Variants in MXRA5 observed in about 807,000 individuals in gnomAD.
MXRA5 encodes matrix-remodeling-associated protein 5.
MXRA5 carries 41 observed loss-of-function variants against 112.5 expected under a neutral mutation model. The observed-to-expected ratio is 0.36, with a 90% CI of 0.28 to 0.47. The LOEUF (loss-of-function observed/expected upper bound fraction) is 0.47, where lower values mean the gene tolerates loss of function less well. Among genes scored for constraint, MXRA5 ranks in the 20% least tolerant of loss-of-function variants. MXRA5 has a pLI of 0.99. For missense variants in MXRA5, 2,150 were observed against 2,251.0 expected, an observed-to-expected ratio of 0.96 and a Z score of 0.91; for synonymous variants, 862 against 900.8, an observed-to-expected ratio of 0.96 and a Z score of 0.77.
chrX:3,336,207 C>G (rs1031992233), intron 2 of MXRA5, among the ~76,000 whole-genome samples: 1 of 111,824 alleles, frequency 8.9e-6, no homozygotes, highest in Non-Finnish European at 1.9e-5. Flanking sequence ...TCTCCTGTCA[C>G]CCCCAGATGG....
At chrX:3,336,284 A>G (rs1422498154) in intron 2 of MXRA5, among the ~76,000 whole-genome samples, 1 of 111,525 alleles carries the variant, frequency 9.0e-6, no homozygotes, top group Non-Finnish European at 1.9e-5. Flanking sequence ...GAGTTGTAGA[A>G]TTATTTCATT....
intron 6 of MXRA5, among the ~76,000 whole-genome samples, chrX:3,313,063 G>C (rs1921011634): frequency 8.9e-6 from 1 of 112,022 alleles, no homozygotes; most frequent in African/African-American, 3.2e-5. Context: ...TGTGGGACAG[G>C]CAAGGACATT....
In MXRA5 at chrX:3,324,252, A is replaced by G; in HGVS notation, c.1433T>C (p.Met478Thr). Residue 478 changes from methionine (M) to threonine (T), a missense_variant, in exon 5 of 7, where the codon ATG (methionine) becomes ACG (threonine). Around this residue, in one of 6 missense-constraint regions of MXRA5, gnomAD observed 386 missense variants for 411.0 expected, o/e 0.94. Transcript: ENST00000217939. Reference sequence around the variant, plus strand: ...TTGCACAGCTCCACTAGGCTCAATCATTACCCAGCTTCTGCCCCGAGCCTG... The same window carrying G: ...TTGCACAGCTCCACTAGGCTCAATCGTTACCCAGCTTCTGCCCCGAGCCTG... ...TRQARGRSWV[M>T]IEPSGAVQRD... 1.7e-6 allele frequency: 2 copies of G among 1,211,448 alleles called. No individual in the cohort carries two copies. The highest frequency in any genetic ancestry group is 2.2e-6 in the Non-Finnish European group (2 of 895,455).
chrX:3,328,065 C>T (rs1053128428), intron 4 of MXRA5, among the ~76,000 whole-genome samples: 8 of 112,338 alleles, frequency 7.1e-5, no homozygotes, highest in Non-Finnish European at 1.5e-4. Context: ...CATTTTCAGG[C>T]CCCCTTACAT....
chrX:3,324,167 A>G lies in MXRA5; in HGVS notation c.1518T>C (p.Ser506=). 8.3e-7 allele frequency: 1 copy of G among 1,211,656 alleles called. No individual in the cohort carries two copies. Among genetic ancestry groups the G allele is most frequent in the Admixed American group, 2.2e-5 (1 of 45,976 alleles). The change falls in exon 5 of 7, where the codon TCT becomes TCC. Residue 506 remains serine (S), a synonymous_variant. Coordinates refer to ENST00000217939, the MANE Select transcript of MXRA5 (RefSeq NM_015419.4). ...PCQLSCNVKA[S]ESPSIFWVLP... ...GCACCCAGAAGATAGATGGACTCTC[A>G]GAAGCTTTCACGTTGCAGCTCAACT...
chrX:3,336,901 G>A (rs932942620), intron 2 of MXRA5, among the ~76,000 whole-genome samples: 4 of 111,723 alleles, frequency 3.6e-5, no homozygotes, highest in Admixed American at 9.5e-5. Flanking sequence ...ATTCTGCAAC[G>A]CAGTCACAGC....
chrX:3,322,074 G>T lies in MXRA5; in HGVS notation c.3611C>A (p.Ala1204Asp). Residue 1204 changes from alanine to aspartate, a missense_variant, in exon 5 of 7, where the codon GCT (alanine) becomes GAT (aspartate). Transcript: ENST00000217939. ...GGTATTAACTGTGTTATCCACCCAA[G>T]CTGTAGGAACCAGAGAACTCTCCAC... ...SQVESSLVPTAWVDNTVNTPK... is the reference protein window; with the variant it reads ...SQVESSLVPTDWVDNTVNTPK... 8.3e-7 allele frequency: 1 copy of T among 1,211,338 alleles called. No individual in the cohort carries two copies. The highest frequency in any genetic ancestry group is 1.1e-6 in the Non-Finnish European group (1 of 895,307).
At chrX:3,327,290 T>A (rs1473518792) in intron 4 of MXRA5, among the ~76,000 whole-genome samples, 2 of 111,223 alleles carry the variant, frequency 1.8e-5, no homozygotes, top group African/African-American at 6.5e-5. Context: ...TTTGCACATC[T>A]CCCCCCAACA....
chrX:3,327,591 G>A (rs1162530491), intron 4 of MXRA5, among the ~76,000 whole-genome samples: 1 of 112,472 alleles, frequency 8.9e-6, no homozygotes, highest in African/African-American at 3.2e-5. Flanking sequence ...TAAGGACTAT[G>A]CCTCTGTAAT....
intron 2 of MXRA5, among the ~76,000 whole-genome samples, chrX:3,332,166 AT>A (rs1180976148): frequency 8.9e-6 from 1 of 112,450 alleles, no homozygotes; most frequent in Admixed American, 9.4e-5. Flanking sequence ...AGTGCAGGAA[AT>A]TTATAAGCTC....
intron 4 of MXRA5, among the ~76,000 whole-genome samples, chrX:3,326,808 C>A (rs931229796): frequency 2.7e-5 from 3 of 110,309 alleles, no homozygotes; most frequent in Non-Finnish European, 3.8e-5. Context: ...CCTTTCTGGT[C>A]GGCTTCAGCG....
intron 2 of MXRA5, among the ~76,000 whole-genome samples, chrX:3,334,256 A>T (rs916808323): frequency 8.9e-6 from 1 of 111,906 alleles, no homozygotes; most frequent in Non-Finnish European, 1.9e-5. Context: ...GGCTGGGATT[A>T]CAGATGTCAG....
At position 3,320,692 on chromosome X, in the gene MXRA5, G is replaced by C. The variant is rs1974522; in HGVS notation, c.4993C>G (p.Pro1665Ala). The change falls in exon 5 of 7, where the codon CCA becomes GCA. Residue 1665 changes from proline to alanine, a missense_variant. By Grantham distance (27) the Pro-to-Ala change is conservative. Coordinates refer to ENST00000217939, the MANE Select transcript of MXRA5 (RefSeq NM_015419.4). ...GGAATTGTTGTACTTGATAATCTTGGAGTTGTAAACTGTTTGTTCTCTGGC... is the reference window on the plus strand; with the variant it reads ...GGAATTGTTGTACTTGATAATCTTGCAGTTGTAAACTGTTTGTTCTCTGGC... Reference protein sequence around the residue: ...ALPENKQFTTPRLSSTTIPLP... With the variant: ...ALPENKQFTTARLSSTTIPLP... The C allele has an allele frequency of 8.4e-5, 102 of 1,209,008 alleles. No homozygotes were observed. In the African/African-American group the frequency reaches 1.1e-3, roughly 13 times the overall value.
intron 6 of MXRA5, among the ~76,000 whole-genome samples, chrX:3,315,860 A>G (rs188838740): frequency 7.0e-4 from 77 of 110,782 alleles, no homozygotes; most frequent in African/African-American, 2.4e-3. Flanking sequence ...GTTGAAATCA[A>G]TAATGGAAAT....
intron 2 of MXRA5, among the ~76,000 whole-genome samples, chrX:3,341,181 T>TA (rs1443251234): frequency 2.8e-3 from 35 of 12,381 alleles, no homozygotes; most frequent in African/African-American, 5.1e-3. Flanking sequence ...ACATAATATA[T>TA]ATAATATATA....
At chrX:3,319,058 T>G (rs1466413287) in intron 5 of MXRA5, among the ~76,000 whole-genome samples, 1 of 110,667 alleles carries the variant, frequency 9.0e-6, no homozygotes, top group Admixed American at 9.6e-5. Flanking sequence ...TACCAGGGGC[T>G]GGGGATGGGA....
In MXRA5 at chrX:3,317,298, A is replaced by G; in HGVS notation, c.6383T>C (p.Val2128Ala). The G allele has an allele frequency of 2.5e-6, 3 of 1,206,372 alleles. No individual in the cohort carries two copies. Among genetic ancestry groups the G allele is most frequent in the Non-Finnish European group, 3.4e-6 (3 of 892,357 alleles). The change falls in exon 6 of 7, where the codon GTA (valine) becomes GCA (alanine). Residue 2128 changes from valine (V) to alanine (A), a missense_variant. Physicochemically the swap from Val to Ala is moderately conservative, Grantham distance 64. Coordinates refer to ENST00000217939, the MANE Select transcript of MXRA5 (RefSeq NM_015419.4). Reference protein sequence around the residue: ...GRYECVAANLVGSARRTVQLN... With the variant: ...GRYECVAANLAGSARRTVQLN... The stretch of plus-strand genomic sequence containing the variant: ...CTGCACCGTCCTGCGCGCGGAGCCT[A>G]CCAGGTTGGCGGCCACGCACTCATA...
chrX:3,311,273 G>A lies in MXRA5; in HGVS notation c.6930C>T (p.Tyr2310=). ...CCTCCCTCATCCCCACTTCGTTAAA[G>A]TAGAGTGTCCCATTGTTGAAGACGA... is the stretch of plus-strand genomic sequence containing the variant. ...RYVVFNNGTL[Y]FNEVGMREEG... The change falls in exon 7 of 7, where the codon TAC becomes TAT. Residue 2310 remains tyrosine (Y), a synonymous_variant. Transcript: ENST00000217939. The A allele has an allele frequency of 8.3e-7, 1 of 1,212,015 alleles. No individual in the cohort carries two copies. The highest frequency in any genetic ancestry group is 1.1e-6 in the Non-Finnish European group (1 of 895,595).
In MXRA5 at chrX:3,330,208, C is replaced by T. The variant is rs1288954654; in HGVS notation, c.519G>A (p.Thr173=). Residue 173 remains threonine, a synonymous_variant, in exon 4 of 7, where the codon ACG becomes ACA. Coordinates refer to ENST00000217939, the MANE Select transcript of MXRA5 (RefSeq NM_015419.4). ...GTCTGAAATAATCCAAAAATGTGAA[C>T]GTGGAGAAGGTGCTGGGGTGCAGCT... ...LHQLHPSTFS[T]FTFLDYFRLS... 4 of 1,209,634 alleles carry T rather than the reference C, an allele frequency of 3.3e-6. No individual in the cohort carries two copies. The South Asian group carries it at 5.3e-5, about 16-fold the overall frequency.
Sources: gnomAD v4.1 joint callset for allele counts (sites outside exome capture counted in the v4.1 genomes callset) on GRCh38, gnomAD v4.1.1 for gene constraint, gnomAD v4.1.1 regional missense constraint, MANE v1.5 for transcripts, NCBI Gene and HGNC (gene_info 2026-07-23, HGNC 2026-07-21) for gene names.